Variants in DNAH11 observed in about 807,000 individuals in gnomAD.
DNAH11 encodes the protein axonemal beta dynein heavy chain 11.
Under a neutral mutation model 526.0 loss-of-function variants are expected in DNAH11, and 442 were observed. The ratio of observed to expected loss-of-function variants is 0.84; its 90% confidence interval spans 0.78 to 0.91. The LOEUF is 0.91. DNAH11 is among the 40% of genes least tolerant of loss of function. The pLI, the probability that DNAH11 is intolerant of heterozygous loss-of-function variation, is 0.00. For missense variants in DNAH11, 6,989 were observed against 5,448.7 expected (o/e 1.28, Z -8.90); for synonymous variants, 2,461 against 1,935.9 (o/e 1.27, Z -7.12).
intron 44 of DNAH11, among the ~76,000 whole-genome samples, chr7:21,721,894 C>T (rs1008718599): frequency 5.9e-5 from 9 of 152,192 alleles, no homozygotes; most frequent in Admixed American, 5.9e-4. Context: ...CATTTGTGAA[C>T]CATAGTCAAC....
At chr7:21,820,626 A>C (rs1286011597) in intron 65 of DNAH11, among the ~76,000 whole-genome samples, 2 of 152,190 alleles carry the variant, frequency 1.3e-5, no homozygotes, top group Non-Finnish European at 2.9e-5. Flanking sequence ...GGACTGGGAC[A>C]GATGAGACTG....
intron 75 of DNAH11, among the ~76,000 whole-genome samples, chr7:21,882,746 G>C (rs1308136972): frequency 6.6e-6 from 1 of 152,154 alleles, no homozygotes; most frequent in Non-Finnish European, 1.5e-5. Flanking sequence ...GCAGTAAGCT[G>C]AGATCATACC....
intron 2 of DNAH11, among the ~76,000 whole-genome samples, chr7:21,551,089 T>C (rs1469873130): frequency 1.3e-5 from 2 of 152,184 alleles, no homozygotes; most frequent in African/African-American, 4.8e-5. Flanking sequence ...AAGACTCCCT[T>C]TGTATAATAT....
chr7:21,583,180 G>C (rs1035762277), intron 9 of DNAH11, among the ~76,000 whole-genome samples: 6 of 152,162 alleles, frequency 3.9e-5, no homozygotes, highest in African/African-American at 1.2e-4. Flanking sequence ...TACCTGACTT[G>C]AAACTACACT....
intron 28 of DNAH11, among the ~76,000 whole-genome samples, chr7:21,652,958 C>A (rs57978147): frequency 0.13 from 19,960 of 152,042 alleles, 1,404 homozygotes; most frequent in African/African-American, 0.19. Flanking sequence ...CTCACTGCAA[C>A]CTCTGCCTCC....
Position 21,873,347 on chromosome 7 carries a change from G to C in DNAH11, c.12041G>C (p.Arg4014Thr). 6.2e-7 allele frequency: 1 copy of C among 1,613,408 alleles called. No homozygotes were observed. The highest frequency in any genetic ancestry group is 8.5e-7 in the Non-Finnish European group (1 of 1,179,646). Residue 4014 changes from arginine to threonine, a missense_variant, in exon 74 of 82, where the codon AGA becomes ACA. Physicochemically the swap from Arg to Thr is moderately conservative, Grantham distance 71. Coordinates refer to ENST00000409508, the MANE Select transcript of DNAH11 (RefSeq NM_001277115.2). Reference protein sequence around the residue: ...LLERFSQGSHRDYRVFMSAES... With the variant: ...LLERFSQGSHTDYRVFMSAES... The stretch of plus-strand genomic sequence containing the variant: ...GAAAGATTCAGCCAAGGAAGCCACA[G>C]AGATTACAGGGTTTTCATGAGTGCT...
In DNAH11 at chr7:21,559,003, G is replaced by A. The variant is rs375750541; in HGVS notation, c.692+5G>A. 2.9e-5 allele frequency: 45 copies of A among 1,563,962 alleles called. No homozygotes were observed. Among genetic ancestry groups the A allele is most frequent in the African/African-American group, 5.4e-5 (4 of 73,692 alleles). On this transcript the variant is annotated splice_donor_5th_base_variant and intron_variant, in intron 3 of 81. Coordinates refer to ENST00000409508, the MANE Select transcript of DNAH11 (RefSeq NM_001277115.2). ...TCAGAATTGTTCAGAGAACAAGTAC[G>A]TAACAGTACAATATATACAGGATAT...
intron 45 of DNAH11, among the ~76,000 whole-genome samples, chr7:21,730,172 C>T (rs192525960): frequency 2.0e-5 from 3 of 152,310 alleles, no homozygotes; most frequent in African/African-American, 7.2e-5. Context: ...GAGATATCTG[C>T]ACTCGCATGT....
chr7:21,827,543 A>G (rs1259087446), intron 65 of DNAH11, among the ~76,000 whole-genome samples: 1 of 151,968 alleles, frequency 6.6e-6, no homozygotes, highest in East Asian at 1.9e-4. Flanking sequence ...TTTATACTTC[A>G]TTCTGTATTT....
chr7:21,579,566 A>G (rs1784231966), intron 8 of DNAH11, among the ~76,000 whole-genome samples: 1 of 152,186 alleles, frequency 6.6e-6, no homozygotes, highest in Non-Finnish European at 1.5e-5. Flanking sequence ...GGAGAGAGAC[A>G]GAATGTGATA....
chr7:21,677,097 A>G (rs1782924106), intron 30 of DNAH11, among the ~76,000 whole-genome samples: 1 of 152,166 alleles, frequency 6.6e-6, no homozygotes, highest in Admixed American at 6.5e-5. Flanking sequence ...CAATAATCAC[A>G]TCTGCTTTTT....
intron 14 of DNAH11, 27 bp from the exon 15 acceptor site, chr7:21,599,760 C>T (rs1420837891): frequency 2.1e-6 from 3 of 1,436,294 alleles, no homozygotes; most frequent in Middle Eastern, 1.8e-4. Flanking sequence ...TGTTTATATT[C>T]ATCCACTAAT....
intron 68 of DNAH11, among the ~76,000 whole-genome samples, chr7:21,860,125 G>A (rs7789150): frequency 0.84 from 127,846 of 152,048 alleles, 53,940 homozygotes; most frequent in East Asian, 0.95. Context: ...GTGAGCCACG[G>A]TCACTCCACC....
Position 21,852,571 on chromosome 7 carries a change from C to T in DNAH11, c.11001C>T (p.Asp3667=), listed in dbSNP as rs919572846. The T allele has an allele frequency of 6.2e-7, 1 of 1,611,436 alleles. No homozygotes were observed. The highest frequency in any genetic ancestry group is 1.3e-5 in the African/African-American group (1 of 74,704). ...CGGCAGAGGGAAGCTTTCTGGATGA[C>T]ACCAAACTGGTAGAGAGATTGGAGG... ...LSAAEGSFLD[D]TKLVERLEAT... is the part of the protein sequence containing the mutation. The change falls in exon 67 of 82, where the codon GAC becomes GAT. Residue 3667 remains aspartate (D), a synonymous_variant. Transcript: ENST00000409508.
intron 5 of DNAH11, among the ~76,000 whole-genome samples, chr7:21,563,740 A>G (rs1783554624): frequency 1.3e-5 from 2 of 152,210 alleles, no homozygotes; most frequent in South Asian, 4.1e-4. Flanking sequence ...TTACTGTCAT[A>G]GGAAACTGGA....
In DNAH11 at chr7:21,733,633, G is replaced by A. The variant is rs541495394; in HGVS notation, c.7441-2007G>A. 2.6e-4 allele frequency among the ~76,000 whole-genome samples: 39 copies of A among 152,214 alleles called. No homozygotes were observed. In the Middle Eastern group the frequency reaches 0.017, roughly 66 times the overall value. ...CTTGTATTCAACAGAGAACCTATGA[G>A]GAGTTTGTACTCTTTCTTTCCACAC... On this transcript the variant is annotated intron_variant, in intron 45 of 81. Transcript: ENST00000409508.
intron 76 of DNAH11, among the ~76,000 whole-genome samples, chr7:21,890,570 G>C (rs981956170): frequency 1.3e-5 from 2 of 152,094 alleles, no homozygotes; most frequent in Non-Finnish European, 2.9e-5. Context: ...CCAACTACTT[G>C]TTTTAGGGAA....
intron 55 of DNAH11, among the ~76,000 whole-genome samples, chr7:21,767,726 A>G (rs1047129519): frequency 6.6e-6 from 1 of 152,200 alleles, no homozygotes; most frequent in Non-Finnish European, 1.5e-5. Context: ...TCAGAGTACA[A>G]TGTGTCCATG....
intron 70 of DNAH11, 48 bp from the exon 71 acceptor site, chr7:21,866,422 T>C: frequency 6.5e-7 from 1 of 1,534,112 alleles, no homozygotes; most frequent in Non-Finnish European, 8.8e-7. Flanking sequence ...TCTCAAACTG[T>C]AAAGTATCGT....
Sources: allele counts gnomAD v4.1 joint callset (sites outside exome capture counted in the v4.1 genomes callset), GRCh38; gene constraint gnomAD v4.1.1; transcripts MANE v1.5; gene names NCBI Gene and HGNC (gene_info 2026-07-23, HGNC 2026-07-21).